The following GARNL3 variants were observed in gnomAD, a reference collection of about 807,000 sequenced individuals.
The protein encoded by GARNL3 is GTPase activating Rap/RanGAP domain like 3.
A neutral mutation model predicts 125.0 loss-of-function variants in GARNL3; 63 were observed. The ratio of observed to expected loss-of-function variants is 0.50; its 90% CI spans 0.41 to 0.62. GARNL3 has a LOEUF of 0.62. Ranked by LOEUF, GARNL3 falls within the 20% of genes least tolerant of loss-of-function variation. The pLI is 0.00. For missense variants in GARNL3, 994 were observed against 1,244.0 expected, an observed-to-expected ratio of 0.80 and a Z score of 3.02; for synonymous variants, 439 against 457.5, an observed-to-expected ratio of 0.96 and a Z score of 0.52.
At position 127,242,943 on chromosome 9, in the gene GARNL3, T is replaced by C. The variant is rs2063228638; in HGVS notation, c.-28-136T>C. Reference sequence around the variant, plus strand: ...ATGCGGTCTTGGTGGGGCCCCTGGGTCTTGAGGGTGCTTCAGTGTCACCCT... The same window carrying C: ...ATGCGGTCTTGGTGGGGCCCCTGGGCCTTGAGGGTGCTTCAGTGTCACCCT... On this transcript the variant is annotated intron_variant, in intron 1 of 10. Coordinates refer to the GARNL3 transcript ENST00000439286. This position sits in a 1 kb window ranked among gnomAD's most constrained non-coding sequence, Gnocchi z 4.6. 1 of 635,258 alleles carries C rather than the reference T, an allele frequency of 1.6e-6. No individual in the cohort carries two copies. The highest frequency in any genetic ancestry group is 1.9e-5 in the South Asian group (1 of 53,342). The allele number at this position is 635,258 out of a possible 1,614,324, so 39.4% of individuals were successfully genotyped here. A position where few individuals can be genotyped will look rare whatever the true frequency, so the allele number is the denominator to read the frequency against.
intron 2 of GARNL3, among the ~76,000 whole-genome samples, chr9:127,292,172 G>C (rs940704420): frequency 6.6e-6 from 1 of 152,188 alleles, no homozygotes; most frequent in Admixed American, 6.5e-5. Flanking sequence ...GTGATTGCAT[G>C]TTTTCACTCT....
intron 16 of GARNL3, among the ~76,000 whole-genome samples, chr9:127,346,718 G>C (rs981456140): frequency 6.6e-6 from 1 of 152,204 alleles, no homozygotes; most frequent in African/African-American, 2.4e-5. Flanking sequence ...GAGAAACTCA[G>C]CTCCAGAGGG....
chr9:127,335,095 G>T, intron 9 of GARNL3, 135 bp from the exon 10 acceptor site: 1 of 643,848 alleles, frequency 1.6e-6, no homozygotes, highest in East Asian at 2.8e-5. Flanking sequence ...GAGGGTTGTT[G>T]CTTCCATGCA....
intron 19 of GARNL3, among the ~76,000 whole-genome samples, chr9:127,354,794 TTCCTTTCCTTTC>T (rs1455773181): frequency 6.6e-6 from 1 of 152,176 alleles, no homozygotes; most frequent in African/African-American, 2.4e-5. Flanking sequence ...CCCTTCCTTT[TTCCTTTCCTTTC>T]CTTTCGGCAG....
At chr9:127,258,043 CTT>C (rs955576688) in intron 2 of GARNL3, among the ~76,000 whole-genome samples, 1 of 151,910 alleles carries the variant, frequency 6.6e-6, no homozygotes, top group African/African-American at 2.4e-5. Context: ...GGATAAGTAA[CTT>C]GTTTGAGGTC....
chr9:127,325,126 G>C (rs2065528336), intron 7 of GARNL3, 31 bp downstream of exon 7: 1 of 1,597,430 alleles, frequency 6.3e-7, no homozygotes, highest in Non-Finnish European at 8.6e-7. Context: ...ATTTGCACCT[G>C]CTCTGCCTCC....
intron 1 of GARNL3, among the ~76,000 whole-genome samples, chr9:127,265,252 G>A (rs1588711232): frequency 6.6e-6 from 1 of 152,190 alleles, no homozygotes; most frequent in South Asian, 2.1e-4. Context: ...TTAAAAATAT[G>A]TTACGGCTTG....
At chr9:127,388,555 G>C (rs1452344689) in intron 25 of GARNL3, 3 of 319,486 alleles carry the variant, frequency 9.4e-6, no homozygotes, top group Non-Finnish European at 1.8e-5. Flanking sequence ...TGAACACAGC[G>C]CTTTTCATAA....
chr9:127,284,672 C>T (rs890568830), intron 1 of GARNL3, among the ~76,000 whole-genome samples: 1 of 151,788 alleles, frequency 6.6e-6, no homozygotes, highest in Non-Finnish European at 1.5e-5. Flanking sequence ...TATGTGTTTT[C>T]ATATGTACTG....
intron 6 of GARNL3, among the ~76,000 whole-genome samples, chr9:127,323,067 A>G (rs938355082): frequency 2.6e-5 from 4 of 152,126 alleles, no homozygotes; most frequent in Non-Finnish European, 5.9e-5. Flanking sequence ...ATGTAAAATC[A>G]CTCTCCCAAA....
intron 20 of GARNL3, 114 bp from the exon 21 acceptor site, chr9:127,357,105 C>A: frequency 2.0e-6 from 2 of 1,022,756 alleles, no homozygotes; most frequent in Non-Finnish European, 3.0e-6. Flanking sequence ...CGGGGCTCTG[C>A]AGGAGCCTGG....
chr9:127,366,784 G>T (rs994442782), intron 22 of GARNL3: 1 of 152,228 alleles, frequency 6.6e-6, no homozygotes, highest in Non-Finnish European at 1.5e-5. Context: ...AGTGCTGACT[G>T]GAACAGGCCG....
chr9:127,334,372 C>T (rs1161150077), intron 9 of GARNL3, among the ~76,000 whole-genome samples: 2 of 152,164 alleles, frequency 1.3e-5, no homozygotes, highest in Non-Finnish European at 2.9e-5. Flanking sequence ...TGATAGGCTT[C>T]GAGTGCAGGT....
At chr9:127,338,221 T>G (rs1829660486) in intron 12 of GARNL3, 60 bp downstream of exon 12, 1 of 1,280,722 alleles carries the variant, frequency 7.8e-7, no homozygotes, top group South Asian at 1.2e-5. Flanking sequence ...AATTTAGCAT[T>G]GATTTTTACA....
intron 2 of GARNL3, among the ~76,000 whole-genome samples, chr9:127,256,967 C>T (rs1398693406): frequency 2.0e-5 from 3 of 152,204 alleles, no homozygotes; most frequent in South Asian, 2.1e-4. Flanking sequence ...CCTTTTATAA[C>T]CACACCTCCC....
chr9:127,243,036 T>A, intron 1 of GARNL3: 1 of 1,309,832 alleles, frequency 7.6e-7, no homozygotes, highest in Non-Finnish European at 1.0e-6. Context: ...GGCCTGCCGT[T>A]CTTCTCTGTC....
rs2063668331 is a variant in GARNL3 at position 127,264,858 on chromosome 9, C to T, written c.-20C>T. ...GAGCCGGGGCACTGCAAGTCTGTTC[C>T]ATAGCAGCCCTTTTTGCAAATGGTA... On this transcript the variant is annotated 5_prime_UTR_variant, in exon 1 of 28. Coordinates refer to ENST00000373387, the MANE Select transcript of GARNL3 (RefSeq NM_032293.5). The T allele has an allele frequency of 1.3e-6, 2 of 1,558,752 alleles. No homozygotes were observed. The highest frequency in any genetic ancestry group is 2.4e-5 in the East Asian group (1 of 42,444).
At chr9:127,326,889 G>A (rs556162653) in intron 7 of GARNL3, among the ~76,000 whole-genome samples, 2 of 152,052 alleles carry the variant, frequency 1.3e-5, no homozygotes, top group Admixed American at 6.5e-5. Flanking sequence ...CCCAGACACC[G>A]AATCTTCCAC....
chr9:127,275,560 G>C (rs2063932534), intron 1 of GARNL3, among the ~76,000 whole-genome samples: 1 of 152,202 alleles, frequency 6.6e-6, no homozygotes, highest in South Asian at 2.1e-4. Context: ...TCCATTCCAT[G>C]GGTTAGAAGA....
Sources: gnomAD v4.1 joint callset for allele counts (sites outside exome capture counted in the v4.1 genomes callset) on GRCh38, gnomAD v4.1.1 for gene constraint, Gnocchi (gnomAD v3.1) non-coding constraint, MANE v1.5 for transcripts, NCBI Gene and HGNC (gene_info 2026-07-23, HGNC 2026-07-21) for gene names.